The following PPP4R4 variants were observed in gnomAD, a reference collection of about 807,000 sequenced individuals.
PPP4R4 encodes protein phosphatase 4 regulatory subunit 4.
A neutral mutation model predicts 121.8 loss-of-function variants in PPP4R4; 70 were observed. The ratio of observed to expected loss-of-function variants is 0.57; its 90% CI spans 0.47 to 0.70. The LOEUF is 0.70. Ranked by LOEUF, PPP4R4 falls within the 30% of genes least tolerant of loss-of-function variation. The probability of loss-of-function intolerance (pLI) is 0.00; values close to 1 mark genes in which losing one functional copy is unlikely to be tolerated. For synonymous variants in PPP4R4, 348 were observed against 355.7 expected (o/e 0.98, Z 0.24); for missense variants, 875 against 1,033.6 (o/e 0.85, Z 2.10).
At chr14:94,236,201 A>T (rs532607521) in intron 7 of PPP4R4, among the ~76,000 whole-genome samples, 17 of 152,314 alleles carry the variant, frequency 1.1e-4, no homozygotes, top group African/African-American at 3.8e-4. Flanking sequence ...TTCTTTTTTA[A>T]TGCCCAGAGA....
intron 11 of PPP4R4, among the ~76,000 whole-genome samples, chr14:94,244,404 T>C (rs1009869123): frequency 1.3e-5 from 2 of 152,188 alleles, no homozygotes; most frequent in Non-Finnish European, 2.9e-5. Flanking sequence ...TCCCATTCTT[T>C]TGTATTTCCT....
intron 11 of PPP4R4, among the ~76,000 whole-genome samples, chr14:94,243,690 C>G (rs1892744518): frequency 1.3e-5 from 2 of 151,766 alleles, no homozygotes; most frequent in African/African-American, 4.8e-5. Flanking sequence ...TGCTGGGTGG[C>G]TAGTTTCCAT....
intron 24 of PPP4R4, among the ~76,000 whole-genome samples, chr14:94,276,397 T>G (rs1894641430): frequency 6.6e-6 from 1 of 152,228 alleles, no homozygotes; most frequent in Non-Finnish European, 1.5e-5. Context: ...CTGGGTAATT[T>G]ATGAAGCAAA....
At chr14:94,239,237 TG>T (rs1372260521) in intron 8 of PPP4R4, among the ~76,000 whole-genome samples, 1 of 151,684 alleles carries the variant, frequency 6.6e-6, no homozygotes, top group African/African-American at 2.4e-5. Flanking sequence ...CTAGGGTACA[TG>T]GGCACGACGT....
chr14:94,230,437 T>G, intron 3 of PPP4R4, 150 bp from the exon 4 acceptor site: 1 of 671,804 alleles, frequency 1.5e-6, no homozygotes, highest in East Asian at 2.8e-5. Flanking sequence ...CAGATTAATA[T>G]AGTTCTCTGA....
intron 17 of PPP4R4, among the ~76,000 whole-genome samples, chr14:94,257,536 A>G (rs1893539669): frequency 6.6e-6 from 1 of 151,958 alleles, no homozygotes; most frequent in South Asian, 2.1e-4. Context: ...AAGTGATTTG[A>G]TGACTTAGTA....
At chr14:94,247,884 A>G (rs1892979102) in intron 14 of PPP4R4, among the ~76,000 whole-genome samples, 1 of 152,326 alleles carries the variant, frequency 6.6e-6, no homozygotes, top group African/African-American at 2.4e-5. Context: ...AAAAACCCTC[A>G]GCAAACTAGG....
chr14:94,194,507 A>T (rs1262893067), intron 2 of PPP4R4, among the ~76,000 whole-genome samples: 1 of 152,238 alleles, frequency 6.6e-6, no homozygotes, highest in Non-Finnish European at 1.5e-5. Flanking sequence ...TCAAATATTT[A>T]AAAATTACAT....
intron 2 of PPP4R4, among the ~76,000 whole-genome samples, chr14:94,197,191 A>T (rs572442056): frequency 6.6e-6 from 1 of 151,780 alleles, no homozygotes; most frequent in East Asian, 1.9e-4. Flanking sequence ...ATTTTTCTTC[A>T]TCTTGGGTCT....
intron 2 of PPP4R4, among the ~76,000 whole-genome samples, chr14:94,201,935 T>TATATATATAAATATATATATACAC (rs1217098875): frequency 1.3e-5 from 2 of 148,852 alleles, no homozygotes; most frequent in African/African-American, 5.1e-5. Flanking sequence ...TGTGTGTGTG[T>TATATATATAAATATATATATACAC]ATATATATAA....
chr14:94,249,804 C>T (rs941210690), intron 14 of PPP4R4, among the ~76,000 whole-genome samples: 1 of 151,902 alleles, frequency 6.6e-6, no homozygotes, highest in African/African-American at 2.4e-5. Context: ...GGTGATGTAC[C>T]TGACACATGG....
Position 94,259,275 on chromosome 14 carries a change from T to G in PPP4R4, c.2053-20T>G, listed in dbSNP as rs749988831. On this transcript the variant is annotated intron_variant, in intron 18 of 24. Coordinates refer to ENST00000304338, the MANE Select transcript of PPP4R4 (RefSeq NM_058237.2). ...AACTCATCACTAATGTTTCACAATT[T>G]CATTTTAAACTTTAAACAGTTTCAG... 6.3e-7 allele frequency: 1 copy of G among 1,592,706 alleles called. No homozygotes were observed. Among genetic ancestry groups the G allele is most frequent in the Non-Finnish European group, 8.5e-7 (1 of 1,170,784 alleles).
intron 3 of PPP4R4, among the ~76,000 whole-genome samples, chr14:94,219,490 T>A (rs930156714): frequency 3.9e-5 from 6 of 152,184 alleles, no homozygotes; most frequent in African/African-American, 1.2e-4. Flanking sequence ...TCTACACAAA[T>A]TCTTTCAGAA....
At chr14:94,194,995 T>G (rs1438074264) in intron 2 of PPP4R4, among the ~76,000 whole-genome samples, 1 of 152,202 alleles carries the variant, frequency 6.6e-6, no homozygotes, top group African/African-American at 2.4e-5. Flanking sequence ...TCTGCTATTT[T>G]TTTTCCATAT....
intron 3 of PPP4R4, among the ~76,000 whole-genome samples, chr14:94,222,205 T>G (rs1321123849): frequency 6.6e-6 from 1 of 152,034 alleles, no homozygotes; most frequent in Non-Finnish European, 1.5e-5. Flanking sequence ...TTTTTCTTTT[T>G]GCCAACTGCT....
intron 16 of PPP4R4, among the ~76,000 whole-genome samples, chr14:94,256,087 A>G (rs1049493391): frequency 9.2e-5 from 14 of 152,132 alleles, no homozygotes; most frequent in African/African-American, 3.1e-4. Flanking sequence ...GGAACCTTCA[A>G]TGACAACCCT....
Position 94,265,868 on chromosome 14 carries a change from A to G in PPP4R4, c.2359A>G (p.Asn787Asp). 1 of 1,599,016 alleles carries G rather than the reference A, an allele frequency of 6.3e-7. No individual in the cohort carries two copies. Among genetic ancestry groups the G allele is most frequent in the East Asian group, 2.2e-5 (1 of 44,688 alleles). Residue 787 changes from asparagine (N) to aspartate (D), a missense_variant, in exon 22 of 25, where the codon AAC (asparagine) becomes GAC (aspartate). Transcript: ENST00000304338. ...NNQAFHAKYG[N>D]LEKCASKSST... ...TCAAGCTTTTCATGCAAAATATGGC[A>G]ACTTAGAGAAATGTGCTAGGTACGA...
chr14:94,250,156 T>G lies in PPP4R4; in HGVS notation c.1612-16T>G, dbSNP rs755071652. 5.7e-5 allele frequency: 88 copies of G among 1,534,888 alleles called. No homozygotes were observed. Among genetic ancestry groups the G allele is most frequent in the Middle Eastern group, 1.7e-4 (1 of 5,904 alleles). On this transcript the variant is annotated splice_polypyrimidine_tract_variant and intron_variant, in intron 14 of 24. Transcript: ENST00000304338. Reference sequence around the variant, plus strand: ...ATTAGCCTAGTGTAACTGTCTGTCTTACTTACTTCTTCAAGAATGTTTTAC... The same window carrying G: ...ATTAGCCTAGTGTAACTGTCTGTCTGACTTACTTCTTCAAGAATGTTTTAC...
chr14:94,257,792 T>G (rs1893559401), intron 17 of PPP4R4, among the ~76,000 whole-genome samples: 1 of 152,124 alleles, frequency 6.6e-6, no homozygotes, highest in African/African-American at 2.4e-5. Flanking sequence ...TTTTCCAGAA[T>G]AATTTATTAA....
Sources: gnomAD v4.1 joint callset for allele counts (sites outside exome capture counted in the v4.1 genomes callset) on GRCh38, gnomAD v4.1.1 for gene constraint, MANE v1.5 for transcripts, NCBI Gene and HGNC (gene_info 2026-07-23, HGNC 2026-07-21) for gene names.